Variants in DYSF observed in about 807,000 individuals in gnomAD.
DYSF encodes the protein dysferlin.
DYSF carries 212 observed loss-of-function variants against 274.9 expected under a neutral mutation model. That is an observed-to-expected ratio of 0.77 (90% CI 0.69 to 0.86). The LOEUF is 0.86. Ranked by LOEUF, DYSF falls within the 40% of genes least tolerant of loss-of-function variation. The pLI is 0.00. For missense variants in DYSF, 2,666 were observed against 2,783.2 expected, an observed-to-expected ratio of 0.96 and a Z score of 0.95; for synonymous variants, 1,091 against 1,078.7, an observed-to-expected ratio of 1.01 and a Z score of -0.22.
chr2:71,503,045 TGCA>T (rs1369043211), intron 3 of DYSF, among the ~76,000 whole-genome samples, 166 bp from the exon 4 acceptor site: 1 of 151,910 alleles, frequency 6.6e-6, no homozygotes, highest in East Asian at 1.9e-4. Context: ...CCAGGGATGG[TGCA>T]TGGTGGTGAC....
In DYSF at chr2:71,574,335, G is replaced by C. The variant is rs149986783; in HGVS notation, c.3366G>C (p.Thr1122=). Residue 1122 remains threonine (T), a synonymous_variant, in exon 30 of 56, where the codon ACG becomes ACC. Transcript: ENST00000410020. Reference sequence around the variant, plus strand: ...GTCGCATGGAGCCACTGGAGAAGACGGGGCCTGCAGCTGTGTTTGCCCTTG... The same window carrying C: ...GTCGCATGGAGCCACTGGAGAAGACCGGGCCTGCAGCTGTGTTTGCCCTTG... The part of the protein sequence containing the change: ...WRRRMEPLEK[T]GPAAVFALEG... The C allele has an allele frequency of 6.2e-7, 1 of 1,614,070 alleles. No individual in the cohort carries two copies. The highest frequency in any genetic ancestry group is 8.5e-7 in the Non-Finnish European group (1 of 1,179,946).
intron 43 of DYSF, among the ~76,000 whole-genome samples, chr2:71,657,643 C>T (rs1274494930): frequency 1.3e-5 from 2 of 152,214 alleles, no homozygotes; most frequent in Non-Finnish European, 2.9e-5. Flanking sequence ...TTCTTGACTT[C>T]CGTGCACCCA....
At chr2:71,502,933 G>T (rs2085132266) in intron 3 of DYSF, among the ~76,000 whole-genome samples, 2 of 152,174 alleles carry the variant, frequency 1.3e-5, no homozygotes, top group Non-Finnish European at 2.9e-5. Context: ...GCGTGGCTGG[G>T]CCTCTGGGGA....
chr2:71,669,555 T>C, intron 50 of DYSF, 50 bp from the exon 51 acceptor site: 1 of 1,611,836 alleles, frequency 6.2e-7, no homozygotes, highest in Non-Finnish European at 8.5e-7. Flanking sequence ...ATGTATATAC[T>C]GTGTTGGAAA....
intron 43 of DYSF, among the ~76,000 whole-genome samples, chr2:71,658,058 CAG>C (rs1239749415): frequency 2.3e-4 from 35 of 152,316 alleles, no homozygotes; most frequent in African/African-American, 6.7e-4. Flanking sequence ...CCTTTTAAAA[CAG>C]AATGCTTTTA....
chr2:71,476,629 G>C (rs1476066479), intron 1 of DYSF, among the ~76,000 whole-genome samples: 1 of 152,028 alleles, frequency 6.6e-6, no homozygotes, highest in Admixed American at 6.6e-5. Context: ...AAATAAAAAG[G>C]CAGTTTCATT....
chr2:71,466,612 AG>A (rs1458266858), upstream of DYSF: 2 of 1,223,070 alleles, frequency 1.6e-6, no homozygotes, highest in African/African-American at 3.1e-5. Context: ...CGCCGCGGGC[AG>A]GGCGGATCTG....
chr2:71,569,685 C>T lies in DYSF; in HGVS notation c.2865-135C>T, dbSNP rs2092313220. The T allele has an allele frequency of 5.3e-6, 4 of 754,464 alleles. No homozygotes were observed. In the South Asian group the frequency reaches 5.9e-5, roughly 11 times the overall value. 46.7% of individuals were successfully genotyped at this position (754,464 alleles called of 1,614,324 possible). A position where few individuals can be genotyped will look rare whatever the true frequency, so the allele number is the denominator to read the frequency against. On this transcript the variant is annotated intron_variant, in intron 26 of 55. Coordinates refer to ENST00000410020, the MANE Select transcript of DYSF (RefSeq NM_001130987.2). ...TCTGCCTTGGTCTCTTGCACCCTTC[C>T]CTCCCCACCCCCCATGTCTCTCATT...
intron 51 of DYSF, among the ~76,000 whole-genome samples, chr2:71,671,105 A>G (rs1234040693): frequency 6.6e-6 from 1 of 152,190 alleles, no homozygotes; most frequent in Non-Finnish European, 1.5e-5. Context: ...CCTAACATGC[A>G]GGATCATCTG....
intron 10 of DYSF, among the ~76,000 whole-genome samples, chr2:71,518,940 A>C (rs1231766195): frequency 6.6e-6 from 1 of 151,852 alleles, no homozygotes; most frequent in Non-Finnish European, 1.5e-5. Context: ...TAAAAATACA[A>C]AAATTAGCTG....
intron 41 of DYSF, among the ~76,000 whole-genome samples, chr2:71,623,767 C>CT (rs899789600): frequency 6.6e-6 from 1 of 151,932 alleles, no homozygotes; most frequent in African/African-American, 2.4e-5. Context: ...ATATTCATCA[C>CT]TTAAAAAAAA....
At chr2:71,456,142 C>T (rs2081053080) in intron 1 of DYSF, among the ~76,000 whole-genome samples, 1 of 151,990 alleles carries the variant, frequency 6.6e-6, no homozygotes, top group South Asian at 2.1e-4. Flanking sequence ...TTGCCTGCTG[C>T]CTGGCTCTTC....
chr2:71,551,593 G>A lies in DYSF; in HGVS notation c.1693-14G>A, dbSNP rs770942120. The A allele has an allele frequency of 2.5e-6, 4 of 1,595,406 alleles. No homozygotes were observed. Among genetic ancestry groups the A allele is most frequent in the East Asian group, 2.3e-5 (1 of 44,224 alleles). On this transcript the variant is annotated splice_polypyrimidine_tract_variant and intron_variant, in intron 18 of 55. Transcript: ENST00000410020. ...CTGTCTCCCCTGCTCCTTGTGACCTGACCTCCCTGGCAGGGGGAAGGTGTG... is the reference window on the plus strand; with the variant it reads ...CTGTCTCCCCTGCTCCTTGTGACCTAACCTCCCTGGCAGGGGGAAGGTGTG...
intron 13 of DYSF, 72 bp downstream of exon 13, chr2:71,526,418 T>TTGG: frequency 3.8e-6 from 1 of 261,502 alleles, no homozygotes. Flanking sequence ...GGGTGGGCGA[T>TTGG]GGCGGGCGGG....
At chr2:71,671,077 C>G (rs1198343488) in intron 51 of DYSF, among the ~76,000 whole-genome samples, 1 of 152,228 alleles carries the variant, frequency 6.6e-6, no homozygotes, top group Non-Finnish European at 1.5e-5. Flanking sequence ...TACATCCCCT[C>G]TGCATGGCCC....
chr2:71,512,473 A>T (rs559369859), intron 5 of DYSF, among the ~76,000 whole-genome samples: 1 of 152,172 alleles, frequency 6.6e-6, no homozygotes, highest in Admixed American at 6.5e-5. Flanking sequence ...GGGCCCATAG[A>T]TTATTTGTGA....
chr2:71,621,263 C>T (rs2094092283), intron 41 of DYSF, among the ~76,000 whole-genome samples: 1 of 152,094 alleles, frequency 6.6e-6, no homozygotes, highest in Non-Finnish European at 1.5e-5. Context: ...GCGTAAGAGA[C>T]AGAACTTGCT....
rs2092982515 is a variant in DYSF at position 71,584,026 on chromosome 2, C to G, written c.3403-5567C>G. ...TGGACAAGCAGCAAGATCCCTTACA[C>G]AGCTAGCCCAAGATGGAGTGCGTGG... On this transcript the variant is annotated intron_variant, in intron 30 of 55. Coordinates refer to ENST00000410020, the MANE Select transcript of DYSF (RefSeq NM_001130987.2). 1.3e-5 allele frequency among the ~76,000 whole-genome samples: 2 copies of G among 152,214 alleles called. 1 individual carries two copies. The highest frequency in any genetic ancestry group is 4.1e-4 in the South Asian group (2 of 4,832).
At chr2:71,592,562 G>C (rs2093298297) in intron 32 of DYSF, among the ~76,000 whole-genome samples, 1 of 152,238 alleles carries the variant, frequency 6.6e-6, no homozygotes, top group South Asian at 2.1e-4. Flanking sequence ...CGGAGGCTGT[G>C]CATGGCCACC....
Sources: gnomAD v4.1 joint callset for allele counts (sites outside exome capture counted in the v4.1 genomes callset) on GRCh38, gnomAD v4.1.1 for gene constraint, MANE v1.5 for transcripts, NCBI Gene and HGNC (gene_info 2026-07-23, HGNC 2026-07-21) for gene names.